GHR: variants seen among roughly 807,000 people sequenced by gnomAD.
The protein encoded by GHR is growth hormone receptor, also known as GH receptor.
In GHR, 35 loss-of-function variants were observed where a neutral mutation model predicts 67.1. That is an observed-to-expected ratio of 0.52 (90% CI 0.40 to 0.69). The LOEUF is 0.69. Among genes scored for constraint, GHR ranks in the 30% least tolerant of loss-of-function variants. The pLI, the probability that GHR is intolerant of heterozygous loss-of-function variation, is 0.00. For missense variants in GHR, 792 were observed against 764.6 expected (o/e 1.04, Z -0.42); for synonymous variants, 272 against 269.1 (o/e 1.01, Z -0.10).
intron 1 of GHR, among the ~76,000 whole-genome samples, chr5:42,515,528 AC>A (rs1375228648): frequency 6.6e-6 from 1 of 152,258 alleles, no homozygotes; most frequent in Non-Finnish European, 1.5e-5. Flanking sequence ...GTAATGGTCG[AC>A]ACAGGCAGGC....
At chr5:42,578,061 T>C (rs1750861414) in intron 2 of GHR, among the ~76,000 whole-genome samples, 1 of 152,204 alleles carries the variant, frequency 6.6e-6, no homozygotes, top group Non-Finnish European at 1.5e-5. Context: ...ACCTTGGCAC[T>C]ATTGAGATTT....
chr5:42,575,743 A>AC (rs926633933), intron 2 of GHR, among the ~76,000 whole-genome samples: 1 of 150,714 alleles, frequency 6.6e-6, no homozygotes, highest in Non-Finnish European at 1.5e-5. Flanking sequence ...AAAAAAAAAA[A>AC]GGTAAAGAGG....
At chr5:42,677,904 A>G (rs1329375955) in intron 3 of GHR, among the ~76,000 whole-genome samples, 1 of 152,208 alleles carries the variant, frequency 6.6e-6, no homozygotes, top group Non-Finnish European at 1.5e-5. Flanking sequence ...TTATAGTTAC[A>G]GGATGAAATT....
intron 3 of GHR, among the ~76,000 whole-genome samples, chr5:42,638,674 G>T (rs147488026): frequency 2.6e-5 from 4 of 152,072 alleles, no homozygotes; most frequent in Non-Finnish European, 5.9e-5. Flanking sequence ...GCAGTCTGTC[G>T]TTGACCAAAA....
intron 1 of GHR, among the ~76,000 whole-genome samples, chr5:42,433,134 G>A (rs1458300804): frequency 1.3e-5 from 2 of 152,136 alleles, no homozygotes; most frequent in Non-Finnish European, 2.9e-5. Context: ...ATGGATATAT[G>A]TTTCACATTT....
intron 2 of GHR, among the ~76,000 whole-genome samples, chr5:42,586,729 CCT>C (rs1366863047): frequency 3.9e-5 from 6 of 152,146 alleles, no homozygotes; most frequent in African/African-American, 1.4e-4. Flanking sequence ...CTTCCCCCAC[CCT>C]CACCAAGGCC....
intron 3 of GHR, among the ~76,000 whole-genome samples, chr5:42,650,599 A>ATATATG (rs1351157808): frequency 6.1e-5 from 9 of 146,358 alleles, no homozygotes; most frequent in African/African-American, 1.0e-4. Flanking sequence ...ATATATATAT[A>ATATATG]TATGTATGTC....
chr5:42,641,226 G>A (rs1394900120), intron 3 of GHR, among the ~76,000 whole-genome samples: 1 of 151,968 alleles, frequency 6.6e-6, no homozygotes, highest in East Asian at 1.9e-4. Context: ...TTTTCAAAGA[G>A]CACCTTCACC....
intron 1 of GHR, chr5:42,467,285 C>A: frequency 8.6e-7 from 1 of 1,160,306 alleles, no homozygotes; most frequent in Non-Finnish European, 1.3e-6. Flanking sequence ...AAGGTTTTCC[C>A]AAACTCACAC....
chr5:42,478,180 G>T (rs1173803204), intron 1 of GHR, among the ~76,000 whole-genome samples: 1 of 152,294 alleles, frequency 6.6e-6, no homozygotes, highest in South Asian at 2.1e-4. Flanking sequence ...GTTTGTCAAA[G>T]ATCAGATAGT....
Position 42,719,045 on chromosome 5 carries a change from A to G in GHR, c.1538A>G (p.Gln513Arg), listed in dbSNP as rs764929777. ...PGQKNKAGMS[Q>R]CDMHPEMVSL... ...CAAAAGAATAAGGCAGGGATGTCCC[A>G]ATGTGACATGCACCCGGAAATGGTC... Residue 513 changes from glutamine (Q) to arginine (R), a missense_variant, in exon 10 of 10, where the codon CAA becomes CGA. Coordinates refer to ENST00000230882, the MANE Select transcript of GHR (RefSeq NM_000163.5). 3.1e-6 allele frequency: 5 copies of G among 1,609,412 alleles called. No homozygotes were observed. In the Admixed American group the frequency reaches 8.4e-5, roughly 27 times the overall value.
intron 1 of GHR, among the ~76,000 whole-genome samples, chr5:42,437,957 G>A (rs1454100563): frequency 1.3e-5 from 2 of 151,240 alleles, no homozygotes; most frequent in Non-Finnish European, 2.9e-5. Flanking sequence ...CCTCTCTTTA[G>A]AAATTCCTCT....
In GHR at chr5:42,628,949, A is replaced by G. The variant is rs1753828935; in HGVS notation, c.71-89A>G. 9 of 796,562 alleles carry G rather than the reference A, an allele frequency of 1.1e-5. 1 individual carries two copies. In the Admixed American group the frequency reaches 1.7e-4, roughly 15 times the overall value. The allele number at this position is 796,562 out of a possible 1,614,324, so 49.3% of individuals were successfully genotyped here. ...AGGGGTCCATTCGGTTGGTTTGGGA[A>G]GCTGAGGATTTTGTTTTTAGTTTAC... is the stretch of plus-strand genomic sequence containing the variant. On this transcript the variant is annotated intron_variant, in intron 2 of 9. Transcript: ENST00000230882.
intron 2 of GHR, among the ~76,000 whole-genome samples, chr5:42,573,250 G>T (rs1002165932): frequency 6.6e-6 from 1 of 152,134 alleles, no homozygotes; most frequent in Non-Finnish European, 1.5e-5. Context: ...AGCAAGGCAG[G>T]AGTTGAATTA....
At chr5:42,425,163 G>C in intron 1 of GHR, 1 of 269,970 alleles carries the variant, frequency 3.7e-6, no homozygotes, top group Non-Finnish European at 5.7e-6. Context: ...GTTTTGGGGA[G>C]TTCTCAGGAG....
At chr5:42,567,195 C>T (rs1749990643) in intron 2 of GHR, among the ~76,000 whole-genome samples, 1 of 152,146 alleles carries the variant, frequency 6.6e-6, no homozygotes. Flanking sequence ...CTCGTTTCTT[C>T]ATTAAGGTGA....
chr5:42,499,129 A>G, intron 1 of GHR, among the ~76,000 whole-genome samples: 1 of 152,174 alleles, frequency 6.6e-6, no homozygotes, highest in East Asian at 1.9e-4. Flanking sequence ...CGTGGGGAAG[A>G]GTGTTGATGC....
In GHR at chr5:42,600,918, C is replaced by CTTTTTTTTT. The variant is rs933355797; in HGVS notation, c.71-28103_71-28095dup. 4.7e-3 allele frequency among the ~76,000 whole-genome samples: 311 copies of CTTTTTTTTT among 66,688 alleles called. 2 individuals are homozygous for CTTTTTTTTT. The highest frequency in any genetic ancestry group is 6.6e-3 in the East Asian group (14 of 2,124). The allele number at this position is 66,688 out of a possible 152,430, so 43.7% of individuals were successfully genotyped here. A position where few individuals can be genotyped will look rare whatever the true frequency, so the allele number is the denominator to read the frequency against. On this transcript the variant is annotated intron_variant, in intron 2 of 9. Coordinates refer to ENST00000230882, the MANE Select transcript of GHR (RefSeq NM_000163.5). ...GAAATTAAAATCTATTCTTTCTATT[C>CTTTTTTTTT]TTTTTTTTTTTTTTTTTTTTTTTTT...
intron 1 of GHR, chr5:42,468,212 C>G: frequency 6.8e-7 from 1 of 1,471,282 alleles, no homozygotes; most frequent in Non-Finnish European, 9.5e-7. Flanking sequence ...TCAGAGTGCA[C>G]TTGTTGGCTG....
Sources: allele counts gnomAD v4.1 joint callset (sites outside exome capture counted in the v4.1 genomes callset), GRCh38; gene constraint gnomAD v4.1.1; transcripts MANE v1.5; gene names NCBI Gene and HGNC (gene_info 2026-07-23, HGNC 2026-07-21).